SLFN12L: variants seen among roughly 807,000 people sequenced by gnomAD.
SLFN12L encodes the protein schlafen family member 12 like.
Under a neutral mutation model 34.8 loss-of-function variants are expected in SLFN12L, and 34 were observed. The ratio of observed to expected loss-of-function variants is 0.98; its 90% CI spans 0.74 to 1.30. The LOEUF (loss-of-function observed/expected upper bound fraction) is 1.30. SLFN12L is among the 50% of genes most tolerant of loss of function. The probability of loss-of-function intolerance (pLI) is 0.00; values close to 1 mark genes in which losing one functional copy is unlikely to be tolerated. For missense variants in SLFN12L, 703 were observed against 696.2 expected (o/e 1.01, Z -0.11); for synonymous variants, 259 against 247.5 (o/e 1.05, Z -0.44).
intron 2 of SLFN12L, among the ~76,000 whole-genome samples, chr17:35,481,862 T>G (rs747374900): frequency 1.3e-5 from 2 of 152,148 alleles, no homozygotes; most frequent in Non-Finnish European, 2.9e-5. Flanking sequence ...TGTTTTTTGT[T>G]TTTGTTTTTG....
At chr17:35,491,038 G>C in intron 2 of SLFN12L, 1 of 787,068 alleles carries the variant, frequency 1.3e-6, no homozygotes, top group Non-Finnish European at 2.4e-6. Context: ...TCTTACAGCA[G>C]ACTGCGGACC....
In SLFN12L at chr17:35,503,006, T is replaced by C. The variant is rs527546735; in HGVS notation, c.86+19273A>G. On this transcript the variant is annotated intron_variant, in intron 2 of 4. Transcript: ENST00000628453. ...AGAGAAAAAAAGTTATAAAAAAAAG[T>C]GTGTTAGAAAAAGAATTTATGCAAG... is the stretch of plus-strand genomic sequence containing the variant. 1.1e-3 allele frequency among the ~76,000 whole-genome samples: 165 copies of C among 152,188 alleles called. 1 individual carries two copies. The highest frequency in any genetic ancestry group is 2.0e-3 in the Non-Finnish European group (136 of 67,998).
intron 2 of SLFN12L, among the ~76,000 whole-genome samples, chr17:35,485,416 G>A (rs1284894035): frequency 2.0e-5 from 3 of 151,952 alleles, no homozygotes; most frequent in African/African-American, 7.2e-5. Flanking sequence ...TATAAAGTCT[G>A]GATATTAGTC....
At chr17:35,494,867 G>A (rs577445728) in intron 2 of SLFN12L, among the ~76,000 whole-genome samples, 7 of 151,018 alleles carry the variant, frequency 4.6e-5, no homozygotes, top group South Asian at 2.1e-4. Flanking sequence ...CGATTTTTGC[G>A]TTAATTTTAT....
rs1325466228 is a variant in SLFN12L at position 35,469,295 on chromosome 17, TA to T, written c.*5627del. On this transcript the variant is annotated 3_prime_UTR_variant, in exon 5 of 5. Transcript: ENST00000628453. ...CAGGACCTGTTTTATATAAAATATATATATATAAAATATATATATATTATAT... is the reference window on the plus strand; with the variant it reads ...CAGGACCTGTTTTATATAAAATATATTATATAAAATATATATATATTATAT... Among the ~76,000 whole-genome samples, 1 of 139,498 alleles carries T rather than the reference TA, an allele frequency of 7.2e-6. No individual in the cohort carries two copies. Among genetic ancestry groups the T allele is most frequent in the African/African-American group, 2.7e-5 (1 of 36,480 alleles). 91.5% of individuals were successfully genotyped at this position (139,498 alleles called of 152,430 possible). A position where few individuals can be genotyped will look rare whatever the true frequency, so the allele number is the denominator to read the frequency against.
At chr17:35,535,604 A>G (rs1468797191) in intron 1 of SLFN12L, among the ~76,000 whole-genome samples, 1 of 151,772 alleles carries the variant, frequency 6.6e-6, no homozygotes, top group Non-Finnish European at 1.5e-5. Context: ...CTCCCACCTC[A>G]GCCTCCCAAG....
At chr17:35,486,535 C>A (rs1914588757) in intron 2 of SLFN12L, among the ~76,000 whole-genome samples, 1 of 152,108 alleles carries the variant, frequency 6.6e-6, no homozygotes, top group South Asian at 2.1e-4. Flanking sequence ...CCATGTAAAA[C>A]TTTCCATGGT....
At chr17:35,509,679 T>G (rs917722380) in intron 2 of SLFN12L, among the ~76,000 whole-genome samples, 2 of 152,028 alleles carry the variant, frequency 1.3e-5, no homozygotes, top group Non-Finnish European at 2.9e-5. Context: ...AAATGAAATA[T>G]TAAATATTTT....
chr17:35,502,651 G>T (rs1044138257), intron 2 of SLFN12L, among the ~76,000 whole-genome samples: 8 of 150,998 alleles, frequency 5.3e-5, no homozygotes, highest in Non-Finnish European at 1.0e-4. Flanking sequence ...ACTAAACAAG[G>T]TCTTATTAAT....
chr17:35,475,212 G>A lies in SLFN12L; in HGVS notation c.1550C>T (p.Ala517Val), dbSNP rs755237677. Residue 517 changes from alanine to valine, a missense_variant, in exon 5 of 5, where the codon GCC (alanine) becomes GTC (valine). By Grantham distance (64) the Ala-to-Val change is moderately conservative. Coordinates refer to ENST00000628453, the MANE Select transcript of SLFN12L (RefSeq NM_001363830.2). ...EEFKDYSTQT[A>V]QTLKQKLAKI... is the part of the protein sequence containing the mutation. ...TGCCAGCTTCTGTTTTAAAGTTTGG[G>A]CAGTTTGTGTAGAATAGTCTTTAAA... 5.0e-6 allele frequency: 8 copies of A among 1,614,146 alleles called. No individual in the cohort carries two copies. Among genetic ancestry groups the A allele is most frequent in the East Asian group, 2.2e-5 (1 of 44,868 alleles).
At position 35,471,873 on chromosome 17, in the gene SLFN12L, T is replaced by C. The variant is rs183196038; in HGVS notation, c.*3050A>G. ...TGTATAAATGTCTTCTTTTGAGAAA[T>C]GTCTATTCATATCCTTTATCCACTT... On this transcript the variant is annotated 3_prime_UTR_variant, in exon 5 of 5. Transcript: ENST00000628453. Among the ~76,000 whole-genome samples the C allele has an allele frequency of 6.6e-6, 1 of 152,296 alleles. No homozygotes were observed. Among genetic ancestry groups the C allele is most frequent in the East Asian group, 1.9e-4 (1 of 5,186 alleles).
At chr17:35,534,187 C>T (rs1041699623) in intron 1 of SLFN12L, among the ~76,000 whole-genome samples, 1 of 151,890 alleles carries the variant, frequency 6.6e-6, no homozygotes, top group Admixed American at 6.6e-5. Context: ...ACGGTGAAAC[C>T]CCATCTCTAC....
In SLFN12L at chr17:35,474,716, G is replaced by C. The variant is rs1221289995; in HGVS notation, c.*207C>G. The stretch of plus-strand genomic sequence containing the variant: ...GGGGGGGGTTGAATCACGAGGTCAG[G>C]AGTTCAAGACCAGCCTGGCCAAGAC... On this transcript the variant is annotated 3_prime_UTR_variant, in exon 5 of 5. Coordinates refer to ENST00000628453, the MANE Select transcript of SLFN12L (RefSeq NM_001363830.2). The C allele has an allele frequency of 7.8e-6, 3 of 384,220 alleles. No homozygotes were observed. The East Asian group carries it at 1.5e-4, about 19-fold the overall frequency. 23.8% of individuals were successfully genotyped at this position (384,220 alleles called of 1,614,324 possible). A position where few individuals can be genotyped will look rare whatever the true frequency, so the allele number is the denominator to read the frequency against.
In SLFN12L at chr17:35,479,422, T is replaced by C. The variant is rs1914191916; in HGVS notation, c.860A>G (p.Lys287Arg). 1.2e-6 allele frequency: 2 copies of C among 1,614,026 alleles called. No homozygotes were observed. Among genetic ancestry groups the C allele is most frequent in the Non-Finnish European group, 1.7e-6 (2 of 1,179,936 alleles). ...GYLFVGLNED[K>R]EVIGFKAEKS... ...CTCTGCTTTAAAGCCAATTACTTCT[T>C]TATCTTCATTTAGACCAACGAATAA... Residue 287 changes from lysine (K) to arginine (R), a missense_variant, in exon 3 of 5, where the codon AAA (lysine) becomes AGA (arginine). Lys to Arg is a conservative substitution (Grantham distance 26). Transcript: ENST00000628453.
chr17:35,479,984 C>T lies in SLFN12L; in HGVS notation c.298G>A (p.Val100Met). The T allele has an allele frequency of 1.9e-6, 3 of 1,614,196 alleles. No individual in the cohort carries two copies. The South Asian group carries it at 3.3e-5, about 18-fold the overall frequency. ...VCALLNSGGGVIKAEVENKGY... is the reference protein window; with the variant it reads ...VCALLNSGGGMIKAEVENKGY... ...TTATTCTCAACTTCAGCCTTGATCA[C>T]TCCCCCTCCAGAATTCAGCAGAGCA... Residue 100 changes from valine (V) to methionine (M), a missense_variant, in exon 3 of 5, where the codon GTG becomes ATG. Coordinates refer to ENST00000628453, the MANE Select transcript of SLFN12L (RefSeq NM_001363830.2).
intron 1 of SLFN12L, among the ~76,000 whole-genome samples, chr17:35,530,428 AGGGAAG>A (rs1195239286): frequency 1.0e-3 from 10 of 9,910 alleles, no homozygotes; most frequent in African/African-American, 2.4e-3. Flanking sequence ...GAAGGAAGGA[AGGGAAG>A]GGAAGGGAAG....
rs185316906 is a variant in SLFN12L, at chr17:35,531,773, C to A, written c.-606+5800G>T. 1.0e-3 allele frequency among the ~76,000 whole-genome samples: 159 copies of A among 152,042 alleles called. 2 individuals are homozygous for A. Among genetic ancestry groups the A allele is most frequent in the African/African-American group, 3.5e-3 (145 of 41,486 alleles). ...CTGGAATTACAGGTTCCTGCCACCA[C>A]GCCTGGCTAACTTTTTAAATTTTTT... On this transcript the variant is annotated intron_variant, in intron 1 of 4. Coordinates refer to ENST00000628453, the MANE Select transcript of SLFN12L (RefSeq NM_001363830.2).
At chr17:35,487,601 GCAA>G in intron 2 of SLFN12L, 15 of 988,588 alleles carry the variant, frequency 1.5e-5, no homozygotes, top group Non-Finnish European at 2.2e-5. Flanking sequence ...GGGCCCTTAA[GCAA>G]CTGAAAGTTA....
At position 35,466,677 on chromosome 17, in the gene SLFN12L, A is replaced by G. The variant is rs1488266622; in HGVS notation, c.*8246T>C. On this transcript the variant is annotated 3_prime_UTR_variant, in exon 5 of 5. Coordinates refer to ENST00000628453, the MANE Select transcript of SLFN12L (RefSeq NM_001363830.2). ...ACCCACTTTAAATGTGGCAGCCTCA[A>G]ACAAAAAGGCTCTAAAATCTATCCA... Among the ~76,000 whole-genome samples the G allele has an allele frequency of 6.6e-6, 1 of 152,216 alleles. No homozygotes were observed. Among genetic ancestry groups the G allele is most frequent in the Non-Finnish European group, 1.5e-5 (1 of 68,046 alleles).
Sources: gnomAD v4.1 joint callset for allele counts (sites outside exome capture counted in the v4.1 genomes callset) on GRCh38, gnomAD v4.1.1 for gene constraint, MANE v1.5 for transcripts, NCBI Gene and HGNC (gene_info 2026-07-23, HGNC 2026-07-21) for gene names.